PLEKHH1: variants seen among roughly 807,000 people sequenced by gnomAD.
PLEKHH1 encodes pleckstrin homology, MyTH4 and FERM domain containing H1.
A neutral mutation model predicts 160.0 loss-of-function variants in PLEKHH1; 104 were observed. That is an observed-to-expected ratio of 0.65 (90% CI 0.55 to 0.76). The LOEUF (loss-of-function observed/expected upper bound fraction) is 0.76. Ranked by LOEUF, PLEKHH1 falls within the 30% of genes least tolerant of loss-of-function variation. The pLI is 0.00. For missense variants in PLEKHH1, 1,427 were observed against 1,724.1 expected (o/e 0.83, Z 3.05); for synonymous variants, 619 against 678.4 (o/e 0.91, Z 1.36).
At position 67,575,821 on chromosome 14, in the gene PLEKHH1, A is replaced by G; in HGVS notation, c.2170-2A>G. The G allele has an allele frequency of 6.2e-7, 1 of 1,612,182 alleles. No individual in the cohort carries two copies. The highest frequency in any genetic ancestry group is 8.5e-7 in the Non-Finnish European group (1 of 1,178,764). On this transcript the variant is annotated splice_acceptor_variant, in intron 15 of 28. Coordinates refer to ENST00000329153, the MANE Select transcript of PLEKHH1 (RefSeq NM_020715.3). LOFTEE classifies it high-confidence loss of function. ...CCATTCATGGAAGACTGCTGTCCAC[A>G]GCGACCCCTGGGCTGCCTGCCTGTG...
Position 67,562,226 on chromosome 14 carries a change from C to A in PLEKHH1, c.595C>A (p.Pro199Thr). ...DSVPSEPGIQ[P>T]MGQDSGSQAQ... ...TGTCCCTTCAGAGCCGGGAATCCAG[C>A]CTATGGGCCAGGACAGTGGCTCCCA... Residue 199 changes from proline to threonine, a missense_variant, in exon 7 of 29, where the codon CCT (proline) becomes ACT (threonine). This residue lies in a region of PLEKHH1 where 831 missense variants were observed against 929.2 expected (regional missense o/e 0.89). Transcript: ENST00000329153. 10 of 1,612,176 alleles carry A rather than the reference C, an allele frequency of 6.2e-6. No homozygotes were observed. Among genetic ancestry groups the A allele is most frequent in the Non-Finnish European group, 7.6e-6 (9 of 1,179,028 alleles).
At position 67,555,286 on chromosome 14, in the gene PLEKHH1, A is replaced by G. The variant is rs565506125; in HGVS notation, c.127-539A>G. 2.6e-5 allele frequency among the ~76,000 whole-genome samples: 4 copies of G among 152,372 alleles called. No homozygotes were observed. In the South Asian group the frequency reaches 8.3e-4, roughly 32 times the overall value. On this transcript the variant is annotated intron_variant, in intron 2 of 28. Transcript: ENST00000329153. ...TCTTTCTAGTTCTTTAAGATTCAAG[A>G]AATCAAATAAGGTGATAGCCCTGAA...
chr14:67,574,740 C>A lies in PLEKHH1; in HGVS notation c.2088+337C>A, dbSNP rs923885397. 4.6e-5 allele frequency among the ~76,000 whole-genome samples: 7 copies of A among 152,150 alleles called. No individual in the cohort carries two copies. In the South Asian group the frequency reaches 1.2e-3, roughly 27 times the overall value. On this transcript the variant is annotated intron_variant, in intron 14 of 28. Coordinates refer to ENST00000329153, the MANE Select transcript of PLEKHH1 (RefSeq NM_020715.3). This position sits in a 1 kb window ranked among gnomAD's most constrained non-coding sequence, Gnocchi z 4.2. ...TAATAGTGGGAGGAAGAGGCCTGGG[C>A]GAGGTAGGTATGGCTCCTCAAAGAC... is the stretch of plus-strand genomic sequence containing the variant.
chr14:67,544,590 A>C lies in PLEKHH1; in HGVS notation c.126+2597A>C, dbSNP rs532292909. Among the ~76,000 whole-genome samples the C allele has an allele frequency of 2.0e-5, 3 of 152,394 alleles. No individual in the cohort carries two copies. In the South Asian group the frequency reaches 6.2e-4, roughly 32 times the overall value. ...ATGGAACTGTTGGCAAGAGACTATG[A>C]AATAAATGAGTTCAAAAGTTTTGAA... On this transcript the variant is annotated intron_variant, in intron 2 of 28. Coordinates refer to ENST00000329153, the MANE Select transcript of PLEKHH1 (RefSeq NM_020715.3).
chr14:67,571,454 G>A (rs969695463), intron 9 of PLEKHH1: 1 of 325,172 alleles, frequency 3.1e-6, no homozygotes, highest in Non-Finnish European at 5.8e-6. Context: ...CTGTGGTGTA[G>A]CTTTCTGGCC....
Position 67,578,712 on chromosome 14 carries a change from G to A in PLEKHH1, c.2849+81G>A. 1.1e-6 allele frequency: 1 copy of A among 907,892 alleles called. No individual in the cohort carries two copies. The highest frequency in any genetic ancestry group is 1.8e-6 in the Non-Finnish European group (1 of 561,132). The allele number at this position is 907,892 out of a possible 1,614,324, so 56.2% of individuals were successfully genotyped here. ...ATAAGAGGGATGAGAGGAGTCTAGGGCAGACCAGATCACTCCTGTCCTCTG... is the reference window on the plus strand; with the variant it reads ...ATAAGAGGGATGAGAGGAGTCTAGGACAGACCAGATCACTCCTGTCCTCTG... On this transcript the variant is annotated intron_variant, in intron 20 of 28. Transcript: ENST00000329153. This position sits in a 1 kb window ranked among gnomAD's most constrained non-coding sequence, Gnocchi z 5.0.
chr14:67,553,952 T>A (rs1177330118), intron 2 of PLEKHH1, among the ~76,000 whole-genome samples: 1 of 152,180 alleles, frequency 6.6e-6, no homozygotes, highest in East Asian at 1.9e-4. Context: ...CTTGAACACG[T>A]GAATGCCTGT....
chr14:67,585,975 T>C lies in PLEKHH1; in HGVS notation c.3811T>C (p.Ser1271Pro). 6.2e-7 allele frequency: 1 copy of C among 1,613,736 alleles called. No individual in the cohort carries two copies. Among genetic ancestry groups the C allele is most frequent in the Non-Finnish European group, 8.5e-7 (1 of 1,179,762 alleles). Reference protein sequence around the residue: ...TMQVHITYPYSSVTTFGGCRD... With the variant: ...TMQVHITYPYPSVTTFGGCRD... Reference sequence around the variant, plus strand: ...GCAAGTGCACATCACTTACCCCTACTCTTCAGTGACAACGTTTGGTGGCTG... The same window carrying C: ...GCAAGTGCACATCACTTACCCCTACCCTTCAGTGACAACGTTTGGTGGCTG... The change falls in exon 28 of 29, where the codon TCT becomes CCT. Residue 1271 changes from serine (S) to proline (P), a missense_variant. By Grantham distance (74) the Ser-to-Pro change is moderately conservative. Around this residue, in one of 6 missense-constraint regions of PLEKHH1, gnomAD observed 56 missense variants for 53.0 expected, o/e 1.06. Coordinates refer to ENST00000329153, the MANE Select transcript of PLEKHH1 (RefSeq NM_020715.3).
intron 2 of PLEKHH1, among the ~76,000 whole-genome samples, chr14:67,546,449 T>G (rs935143135): frequency 1.3e-5 from 2 of 152,202 alleles, no homozygotes; most frequent in African/African-American, 4.8e-5. Flanking sequence ...TTGCCCCGGC[T>G]GGAGTGCAGT....
intron 1 of PLEKHH1, among the ~76,000 whole-genome samples, chr14:67,537,606 C>T (rs1006233515): frequency 1.3e-5 from 2 of 151,496 alleles, no homozygotes; most frequent in African/African-American, 2.4e-5. Context: ...GTTGTGGCTT[C>T]AGTGAACCAT....
Position 67,573,713 on chromosome 14 carries a change from A to T in PLEKHH1, c.1840-88A>T, listed in dbSNP as rs887089262. The T allele has an allele frequency of 1.2e-6, 1 of 869,106 alleles. No individual in the cohort carries two copies. The highest frequency in any genetic ancestry group is 2.0e-6 in the Non-Finnish European group (1 of 503,704). The allele number at this position is 869,106 out of a possible 1,614,324, so 53.8% of individuals were successfully genotyped here. A position where few individuals can be genotyped will look rare whatever the true frequency, so the allele number is the denominator to read the frequency against. On this transcript the variant is annotated intron_variant, in intron 12 of 28. Coordinates refer to ENST00000329153, the MANE Select transcript of PLEKHH1 (RefSeq NM_020715.3). The surrounding 1 kb of genome is among the most constrained non-coding windows in gnomAD (Gnocchi z 4.8). ...CTGGGAATCATGTTTCCCTTTGCTT[A>T]TGACGTGGAGGAAGATCTGAGGGTA...
intron 21 of PLEKHH1, 186 bp downstream of exon 21, chr14:67,579,497 T>C: frequency 1.5e-6 from 1 of 662,422 alleles, no homozygotes; most frequent in Non-Finnish European, 2.5e-6. Context: ...CTCCAAAAGA[T>C]TGTTGGTAAA....
chr14:67,538,499 G>T (rs1393965716), intron 1 of PLEKHH1, among the ~76,000 whole-genome samples: 2 of 152,216 alleles, frequency 1.3e-5, no homozygotes, highest in Admixed American at 1.3e-4. Flanking sequence ...GCTCATCCTT[G>T]TGCATTTTTA....
chr14:67,585,716 C>A, intron 27 of PLEKHH1, 62 bp downstream of exon 27: 3 of 1,265,880 alleles, frequency 2.4e-6, no homozygotes, highest in South Asian at 1.3e-5. Flanking sequence ...CTTTTCTTCT[C>A]CTCTGTGGAC....
intron 2 of PLEKHH1, among the ~76,000 whole-genome samples, chr14:67,544,189 C>A (rs2034085869): frequency 6.6e-6 from 1 of 152,196 alleles, no homozygotes; most frequent in South Asian, 2.1e-4. Flanking sequence ...AAAGGAAAAT[C>A]ATTCACTGGC....
At position 67,574,098 on chromosome 14, in the gene PLEKHH1, TGAG is replaced by T. The variant is rs951620025; in HGVS notation, c.1927-138_1927-136del. On this transcript the variant is annotated intron_variant, in intron 13 of 28. Transcript: ENST00000329153. This position sits in a 1 kb window ranked among gnomAD's most constrained non-coding sequence, Gnocchi z 4.2. ...GGAAGGAGAGACAGGGAGGAAAAGATGAGGAGGAAAAGAAAGGAGGGAGCACTA... is the reference window on the plus strand; with the variant it reads ...GGAAGGAGAGACAGGGAGGAAAAGATGAGGAAAAGAAAGGAGGGAGCACTA... 9 of 725,644 alleles carry T rather than the reference TGAG, an allele frequency of 1.2e-5. No homozygotes were observed. Among genetic ancestry groups the T allele is most frequent in the East Asian group, 2.7e-5 (1 of 36,914 alleles). 45.0% of individuals were successfully genotyped at this position (725,644 alleles called of 1,614,324 possible). A position where few individuals can be genotyped will look rare whatever the true frequency, so the allele number is the denominator to read the frequency against.
At chr14:67,541,610 C>T (rs1202147437) in intron 1 of PLEKHH1, among the ~76,000 whole-genome samples, 1 of 152,168 alleles carries the variant, frequency 6.6e-6, no homozygotes, top group Admixed American at 6.5e-5. Context: ...TCAGGTTTCG[C>T]GGTTTCCTGA....
intron 7 of PLEKHH1, 62 bp from the exon 8 acceptor site, chr14:67,569,076 C>T: frequency 8.7e-7 from 1 of 1,148,208 alleles, no homozygotes; most frequent in Non-Finnish European, 1.3e-6. Context: ...CCTGCACATG[C>T]CTGGAGGGGG....
chr14:67,567,093 A>C (rs888243273), intron 7 of PLEKHH1, among the ~76,000 whole-genome samples: 2 of 152,148 alleles, frequency 1.3e-5, no homozygotes, highest in Non-Finnish European at 2.9e-5. Flanking sequence ...TGGGGAAAAC[A>C]AGACACAATG....
Sources: gnomAD v4.1 joint callset for allele counts (sites outside exome capture counted in the v4.1 genomes callset) on GRCh38, gnomAD v4.1.1 for gene constraint, gnomAD v4.1.1 regional missense constraint, Gnocchi (gnomAD v3.1) non-coding constraint, MANE v1.5 for transcripts, NCBI Gene and HGNC (gene_info 2026-07-23, HGNC 2026-07-21) for gene names.